Variants in PCDHGB4 observed in about 807,000 individuals in gnomAD.
PCDHGB4 encodes protocadherin gamma subfamily B, 4, also known as protocadherin gamma-B4.
PCDHGB4 carries 38 observed loss-of-function variants against 60.5 expected under a neutral mutation model. The observed-to-expected ratio is 0.63, with a 90% CI of 0.48 to 0.82. The LOEUF (loss-of-function observed/expected upper bound fraction) is 0.82, where lower values mean the gene tolerates loss of function less well. Among genes scored for constraint, PCDHGB4 ranks in the 40% least tolerant of loss-of-function variants. The pLI, the probability that PCDHGB4 is intolerant of heterozygous loss-of-function variation, is 0.00. For synonymous variants in PCDHGB4, 456 were observed against 509.7 expected, an observed-to-expected ratio of 0.89 and a Z score of 1.42; for missense variants, 1,109 against 1,209.6, an observed-to-expected ratio of 0.92 and a Z score of 1.23.
At chr5:141,437,497 T>A (rs2097889891) in intron 1 of PCDHGB4, among the ~76,000 whole-genome samples, 1 of 152,190 alleles carries the variant, frequency 6.6e-6, no homozygotes, top group Non-Finnish European at 1.5e-5. Flanking sequence ...TAGATCACTT[T>A]TCAATGAATT....
intron 1 of PCDHGB4, among the ~76,000 whole-genome samples, chr5:141,430,380 TG>T (rs1376875091): frequency 6.8e-6 from 1 of 147,890 alleles, no homozygotes; most frequent in Non-Finnish European, 1.5e-5. Flanking sequence ...AAAAGCTCAT[TG>T]GGAAAAAAAA....
At position 141,511,260 on chromosome 5, in the gene PCDHGB4, G is replaced by A; in HGVS notation, c.*87G>A. 6.4e-7 allele frequency: 1 copy of A among 1,558,596 alleles called. No individual in the cohort carries two copies. Among genetic ancestry groups the A allele is most frequent in the Non-Finnish European group, 8.7e-7 (1 of 1,151,758 alleles). On this transcript the variant is annotated 3_prime_UTR_variant, in exon 4 of 4. Transcript: ENST00000519479. ...CCTGCACCCAGGCCTCAGAGTTTCA[G>A]GGCTAACCCCCAGAATACTGGTAGG...
At chr5:141,429,045 G>C (rs919761577) in intron 1 of PCDHGB4, 15 of 151,954 alleles carry the variant, frequency 9.9e-5, no homozygotes, top group African/African-American at 2.9e-4. Context: ...TAGTACAGAC[G>C]GGGTTTCACC....
chr5:141,486,506 A>C lies in PCDHGB4; in HGVS notation c.2398-8301A>C. The C allele has an allele frequency of 6.2e-7, 1 of 1,614,134 alleles. No individual in the cohort carries two copies. The highest frequency in any genetic ancestry group is 8.5e-7 in the Non-Finnish European group (1 of 1,180,006). Reference sequence around the variant, plus strand: ...TACCCACAGAACTATTTTCCTCAATATTTCAGATGTGAATGATAATCCACC... The same window carrying C: ...TACCCACAGAACTATTTTCCTCAATCTTTCAGATGTGAATGATAATCCACC... On this transcript the variant is annotated intron_variant, in intron 1 of 3. Transcript: ENST00000519479. The surrounding 1 kb of genome is among the most constrained non-coding windows in gnomAD (Gnocchi z 5.0).
At chr5:141,419,290 T>C (rs1160812369) in intron 1 of PCDHGB4, 1 of 1,613,914 alleles carries the variant, frequency 6.2e-7, no homozygotes, top group African/African-American at 1.3e-5. Context: ...TCAGTGCCTC[T>C]GACCCAGACT....
At chr5:141,464,035 C>T (rs564886798) in intron 1 of PCDHGB4, among the ~76,000 whole-genome samples, 1 of 152,066 alleles carries the variant, frequency 6.6e-6, no homozygotes, top group African/African-American at 2.4e-5. Context: ...GAGGCCAAGG[C>T]GGGTGGATCA....
At chr5:141,502,710 C>T (rs2099815750) in intron 2 of PCDHGB4, among the ~76,000 whole-genome samples, 1 of 152,168 alleles carries the variant, frequency 6.6e-6, no homozygotes, top group South Asian at 2.1e-4. Context: ...GTTTTTACAT[C>T]AGTGATTACA....
chr5:141,455,577 C>T (rs1000865176), intron 1 of PCDHGB4, among the ~76,000 whole-genome samples: 3 of 152,120 alleles, frequency 2.0e-5, no homozygotes, highest in East Asian at 1.9e-4. Context: ...CCCACCCCAG[C>T]CTTTTAATAT....
At chr5:141,481,913 C>CAA (rs34114744) in intron 1 of PCDHGB4, among the ~76,000 whole-genome samples, 26 of 90,736 alleles carry the variant, frequency 2.9e-4, no homozygotes, top group Non-Finnish European at 3.5e-4. Context: ...AACTCCATCT[C>CAA]AAAAAAAAAA....
chr5:141,409,251 CTT>C (rs771889477), intron 1 of PCDHGB4: 78 of 1,613,922 alleles, frequency 4.8e-5, no homozygotes, highest in Non-Finnish European at 6.2e-5. Context: ...ATAATCATCA[CTT>C]CTCTCTCTGA....
At position 141,432,612 on chromosome 5, in the gene PCDHGB4, C is replaced by A. The variant is rs752901891; in HGVS notation, c.2397+42331C>A. On this transcript the variant is annotated intron_variant, in intron 1 of 3. Transcript: ENST00000519479. This position sits in a 1 kb window ranked among gnomAD's most constrained non-coding sequence, Gnocchi z 6.0. ...AAGGCCAGCGAGCCGGGACTCTTCT[C>A]GGTGGGTCTGCACACGGGCGAGGTG... 1 of 1,613,912 alleles carries A rather than the reference C, an allele frequency of 6.2e-7. No individual in the cohort carries two copies. The highest frequency in any genetic ancestry group is 1.1e-5 in the South Asian group (1 of 91,062).
chr5:141,409,238 G>A (rs2095245468), intron 1 of PCDHGB4: 1 of 1,614,002 alleles, frequency 6.2e-7, no homozygotes, highest in Non-Finnish European at 8.5e-7. Flanking sequence ...CAACAGCCCA[G>A]AAATAATCAT....
Position 141,489,463 on chromosome 5 carries a change from T to C in PCDHGB4, c.2398-5344T>C. ...GGGCTCTGAGGAGAATGGGCGCTAT[T>C]TTTCCCTGAGCTTGATGAGTGGTGC... On this transcript the variant is annotated intron_variant, in intron 1 of 3. Transcript: ENST00000519479. This position sits in a 1 kb window ranked among gnomAD's most constrained non-coding sequence, Gnocchi z 4.5. 6.2e-7 allele frequency: 1 copy of C among 1,614,050 alleles called. No individual in the cohort carries two copies. The highest frequency in any genetic ancestry group is 8.5e-7 in the Non-Finnish European group (1 of 1,180,002).
At chr5:141,393,357 G>C in intron 1 of PCDHGB4, 5 of 1,613,924 alleles carry the variant, frequency 3.1e-6, no homozygotes, top group Admixed American at 1.7e-5. Flanking sequence ...CTCCCTGGAC[G>C]TGCAGACTGG....
At chr5:141,405,488 C>A in intron 1 of PCDHGB4, 1 of 895,936 alleles carries the variant, frequency 1.1e-6, no homozygotes, top group Non-Finnish European at 1.7e-6. Context: ...GGTGTGATCT[C>A]GGCTCATTGC....
At position 141,487,030 on chromosome 5, in the gene PCDHGB4, T is replaced by C. The variant is rs773121109; in HGVS notation, c.2398-7777T>C. Reference sequence around the variant, plus strand: ...TGGAGGCCCCAGATCCCAGCCTGTTTGCAGTCTCTCGATATGCTGGGGAGG... The same window carrying C: ...TGGAGGCCCCAGATCCCAGCCTGTTCGCAGTCTCTCGATATGCTGGGGAGG... On this transcript the variant is annotated intron_variant, in intron 1 of 3. Coordinates refer to ENST00000519479, the MANE Select transcript of PCDHGB4 (RefSeq NM_003736.4). The surrounding 1 kb of genome is among the most constrained non-coding windows in gnomAD (Gnocchi z 5.0). 12 of 1,614,100 alleles carry C rather than the reference T, an allele frequency of 7.4e-6. No homozygotes were observed. Among genetic ancestry groups the C allele is most frequent in the Non-Finnish European group, 1.0e-5 (12 of 1,180,044 alleles).
chr5:141,495,721 G>A (rs2099763243), intron 2 of PCDHGB4, among the ~76,000 whole-genome samples: 1 of 152,100 alleles, frequency 6.6e-6, no homozygotes, highest in Non-Finnish European at 1.5e-5. Context: ...TAACTACACG[G>A]GACCCTTAGT....
At chr5:141,423,463 G>T (rs772779471) in intron 1 of PCDHGB4, 22 of 1,613,992 alleles carry the variant, frequency 1.4e-5, no homozygotes, top group Non-Finnish European at 1.8e-5. Context: ...AGGCGTGGAC[G>T]GGGTACAGGC....
Position 141,486,427 on chromosome 5 carries a change from A to G in PCDHGB4, c.2398-8380A>G. On this transcript the variant is annotated intron_variant, in intron 1 of 3. Transcript: ENST00000519479. This position sits in a 1 kb window ranked among gnomAD's most constrained non-coding sequence, Gnocchi z 5.0. ...CTGGACCCTTGGATCGAGAGGCCAA[A>G]TCTAGCTATGACATCATGGTCACTG... The G allele has an allele frequency of 6.2e-7, 1 of 1,614,160 alleles. No homozygotes were observed. Among genetic ancestry groups the G allele is most frequent in the Non-Finnish European group, 8.5e-7 (1 of 1,180,016 alleles).
Sources: allele counts gnomAD v4.1 joint callset (sites outside exome capture counted in the v4.1 genomes callset), GRCh38; gene constraint gnomAD v4.1.1; non-coding constraint Gnocchi (gnomAD v3.1); transcripts MANE v1.5; gene names NCBI Gene and HGNC (gene_info 2026-07-23, HGNC 2026-07-21).